DGKB: variants seen among roughly 807,000 people sequenced by gnomAD.
The protein encoded by DGKB is diacylglycerol kinase beta, also known as 90 kDa diacylglycerol kinase.
Under a neutral mutation model 114.3 loss-of-function variants are expected in DGKB, and 67 were observed. The observed-to-expected ratio is 0.59, with a 90% CI of 0.48 to 0.72. The LOEUF (loss-of-function observed/expected upper bound fraction) is 0.72, where lower values mean the gene tolerates loss of function less well. DGKB is among the 30% of genes least tolerant of loss of function. The pLI is 0.00. For synonymous variants in DGKB, 398 were observed against 323.1 expected, an observed-to-expected ratio of 1.23 and a Z score of -2.49; for missense variants, 907 against 975.2, an observed-to-expected ratio of 0.93 and a Z score of 0.93.
At chr7:14,753,641 G>T (rs984329021) in intron 4 of DGKB, among the ~76,000 whole-genome samples, 2 of 152,038 alleles carry the variant, frequency 1.3e-5, no homozygotes, top group African/African-American at 4.8e-5. Flanking sequence ...ATATCTTCAT[G>T]AAATTAGAAA....
intron 7 of DGKB, among the ~76,000 whole-genome samples, chr7:14,699,315 C>T (rs1824682948): frequency 6.6e-6 from 1 of 152,220 alleles, no homozygotes; most frequent in Non-Finnish European, 1.5e-5. Context: ...TCCATCTTTG[C>T]TTACATATGC....
At chr7:14,550,955 A>G (rs1480885492) in intron 20 of DGKB, among the ~76,000 whole-genome samples, 1 of 152,172 alleles carries the variant, frequency 6.6e-6, no homozygotes, top group Non-Finnish European at 1.5e-5. Flanking sequence ...CTTTTTAATC[A>G]GTCTGTGAGC....
At chr7:14,646,255 A>G (rs1461542717) in intron 13 of DGKB, among the ~76,000 whole-genome samples, 2 of 152,218 alleles carry the variant, frequency 1.3e-5, no homozygotes, top group African/African-American at 2.4e-5. Context: ...CTTTAAGTCA[A>G]AAAACATAAA....
intron 25 of DGKB, among the ~76,000 whole-genome samples, chr7:14,168,394 T>A (rs1267777285): frequency 6.6e-6 from 1 of 152,144 alleles, no homozygotes; most frequent in Non-Finnish European, 1.5e-5. Flanking sequence ...GAAGTCAATA[T>A]TTGAAGAAAT....
At chr7:14,177,361 C>G (rs1371841185) in intron 24 of DGKB, among the ~76,000 whole-genome samples, 2 of 151,842 alleles carry the variant, frequency 1.3e-5, no homozygotes. Flanking sequence ...TTGAAACCAG[C>G]CTGACCAACA....
chr7:14,777,832 GT>G (rs202071037), intron 2 of DGKB, among the ~76,000 whole-genome samples: 4 of 151,796 alleles, frequency 2.6e-5, no homozygotes, highest in South Asian at 2.1e-4. Context: ...AATTTAAGGT[GT>G]TTTTTTTCTT....
chr7:14,934,391 C>G (rs1649085228), intron 1 of DGKB, among the ~76,000 whole-genome samples: 1 of 152,052 alleles, frequency 6.6e-6, no homozygotes, highest in Admixed American at 6.6e-5. Flanking sequence ...GAAAAGCAAG[C>G]AATTATGTGA....
At chr7:14,627,803 C>T (rs1585191231) in intron 14 of DGKB, among the ~76,000 whole-genome samples, 1 of 151,602 alleles carries the variant, frequency 6.6e-6, no homozygotes, top group African/African-American at 2.4e-5. Flanking sequence ...ATTAGCCGGG[C>T]GTGGTCACGT....
chr7:14,360,927 T>C (rs957522650), intron 21 of DGKB, among the ~76,000 whole-genome samples: 4 of 152,166 alleles, frequency 2.6e-5, no homozygotes, highest in Admixed American at 2.6e-4. Context: ...CATTAGAACA[T>C]ATTACATATG....
rs1353418019 is a variant in DGKB, at chr7:14,427,082, C to T, written c.1835+51079G>A. On this transcript the variant is annotated intron_variant, in intron 21 of 25. Transcript: ENST00000402815. ...CAAAAAATACAAGGGGGAACACACA[C>T]TGGGGCCTGTCAGGGAGTGGGGGGT... Among the ~76,000 whole-genome samples the T allele has an allele frequency of 2.0e-5, 3 of 151,734 alleles. No homozygotes were observed. The South Asian group carries it at 6.2e-4, about 32-fold the overall frequency.
intron 23 of DGKB, among the ~76,000 whole-genome samples, chr7:14,212,950 A>T (rs984268788): frequency 6.6e-6 from 1 of 152,052 alleles, no homozygotes; most frequent in African/African-American, 2.4e-5. Context: ...AAAAATGGCA[A>T]TAATTGTCCT....
chr7:14,205,395 T>A (rs933820968), intron 23 of DGKB, among the ~76,000 whole-genome samples: 3 of 151,918 alleles, frequency 2.0e-5, no homozygotes, highest in Admixed American at 6.6e-5. Flanking sequence ...TCTTTTCTTA[T>A]GTTTTAAAGC....
intron 20 of DGKB, among the ~76,000 whole-genome samples, chr7:14,485,997 G>C (rs970060225): frequency 7.9e-5 from 12 of 152,164 alleles, no homozygotes; most frequent in East Asian, 3.9e-4. Flanking sequence ...TTAGGTGATG[G>C]CAAAATTTAT....
intron 9 of DGKB, 47 bp downstream of exon 9, chr7:14,694,028 C>T (rs1302241077): frequency 1.3e-6 from 2 of 1,546,182 alleles, no homozygotes; most frequent in South Asian, 2.4e-5. Flanking sequence ...TAATAGAGAG[C>T]CCCACTGACT....
rs185990412 is a variant in DGKB, at chr7:14,372,698, T to A, written c.1836-27307A>T. Among the ~76,000 whole-genome samples, 42 of 152,204 alleles carry A rather than the reference T, an allele frequency of 2.8e-4. No individual in the cohort carries two copies. In the East Asian group the frequency reaches 7.9e-3, roughly 29 times the overall value. The stretch of plus-strand genomic sequence containing the variant: ...AATTATATTTATATTTATTAATCTA[T>A]ACTCTTATCTACTCACCTTGTTTTA... On this transcript the variant is annotated intron_variant, in intron 21 of 25. Coordinates refer to ENST00000402815, the MANE Select transcript of DGKB (RefSeq NM_001350709.2).
intron 20 of DGKB, among the ~76,000 whole-genome samples, chr7:14,567,480 AT>A (rs1797724466): frequency 1.3e-5 from 1 of 79,884 alleles, no homozygotes; most frequent in African/African-American, 5.0e-5. Flanking sequence ...TATATTATAT[AT>A]ATTTATATAT....
intron 1 of DGKB, among the ~76,000 whole-genome samples, chr7:14,910,898 T>A (rs1783969108): frequency 6.6e-6 from 1 of 152,178 alleles, no homozygotes; most frequent in African/African-American, 2.4e-5. Context: ...ATATTAGCTT[T>A]AAATGACCTG....
At chr7:14,312,129 C>G (rs936998992) in intron 23 of DGKB, among the ~76,000 whole-genome samples, 8 of 152,054 alleles carry the variant, frequency 5.3e-5, no homozygotes. Flanking sequence ...AGTTTAGATC[C>G]ACATGGAACA....
At position 14,357,221 on chromosome 7, in the gene DGKB, G is replaced by T. The variant is rs560891364; in HGVS notation, c.1836-11830C>A. ...TGTTAATGTCTCCCATTATTATTGT[G>T]TGGGAGTCTAAGTCCCTTTGTGGGT... On this transcript the variant is annotated intron_variant, in intron 21 of 25. Transcript: ENST00000402815. Among the ~76,000 whole-genome samples the T allele has an allele frequency of 3.3e-5, 5 of 152,214 alleles. No homozygotes were observed. In the East Asian group the frequency reaches 9.7e-4, roughly 29 times the overall value.
Sources: allele counts gnomAD v4.1 joint callset (sites outside exome capture counted in the v4.1 genomes callset), GRCh38; gene constraint gnomAD v4.1.1; transcripts MANE v1.5; gene names NCBI Gene and HGNC (gene_info 2026-07-23, HGNC 2026-07-21).